GABRA5: variants seen among roughly 807,000 people sequenced by gnomAD.
GABRA5 encodes the protein gamma-aminobutyric acid receptor subunit alpha-5.
GABRA5 carries 18 observed loss-of-function variants against 47.3 expected under a neutral mutation model. The ratio of observed to expected loss-of-function variants is 0.38; its 90% CI spans 0.26 to 0.56. The LOEUF is 0.56. Ranked by LOEUF, GABRA5 falls within the 20% of genes least tolerant of loss-of-function variation. GABRA5 has a pLI of 0.71. For synonymous variants in GABRA5, 237 were observed against 229.3 expected, an observed-to-expected ratio of 1.03 and a Z score of -0.30; for missense variants, 365 against 599.3, an observed-to-expected ratio of 0.61 and a Z score of 4.08.
Position 26,883,293 on chromosome 15 carries a change from AG to A in GABRA5, c.277-42del. The A allele has an allele frequency of 1.2e-6, 2 of 1,611,584 alleles. No homozygotes were observed. The highest frequency in any genetic ancestry group is 1.7e-6 in the Non-Finnish European group (2 of 1,177,762). On this transcript the variant is annotated intron_variant, in intron 5 of 10. Coordinates refer to ENST00000335625, the MANE Select transcript of GABRA5 (RefSeq NM_000810.4). The surrounding 1 kb of genome is among the most constrained non-coding windows in gnomAD (Gnocchi z 4.8). ...TACTCCGCGCCGCAGGCCCCCGCCC[AG>A]GCCCCGTGCCCTCTGACTGCCTCGT...
chr15:26,907,094 A>G (rs566901301), intron 6 of GABRA5, among the ~76,000 whole-genome samples: 9 of 152,324 alleles, frequency 5.9e-5, no homozygotes, highest in African/African-American at 1.7e-4. Flanking sequence ...TCCTTACTAC[A>G]TTCAGGGATA....
intron 7 of GABRA5, 116 bp from the exon 8 acceptor site, chr15:26,937,069 C>A: frequency 7.6e-7 from 1 of 1,310,966 alleles, no homozygotes; most frequent in Non-Finnish European, 1.1e-6. Flanking sequence ...GGTCATGGAA[C>A]CTTGACTTTT....
chr15:26,896,064 T>G (rs1893185567), intron 6 of GABRA5, among the ~76,000 whole-genome samples: 1 of 152,062 alleles, frequency 6.6e-6, no homozygotes, highest in Non-Finnish European at 1.5e-5. Flanking sequence ...CTCCCACCCT[T>G]CAGTCATTCC....
In GABRA5 at chr15:26,922,488, G is replaced by A. The variant is rs926148420; in HGVS notation, c.580+7603G>A. Among the ~76,000 whole-genome samples, 4 of 152,076 alleles carry A rather than the reference G, an allele frequency of 2.6e-5. No homozygotes were observed. The South Asian group carries it at 8.3e-4, about 32-fold the overall frequency. ...ATAAAAAGTGAGTTTCTTATAAATA[G>A]CATAGCTCAGATTTTTAAATTTACT... On this transcript the variant is annotated intron_variant, in intron 7 of 10. Transcript: ENST00000335625.
chr15:26,945,839 C>T (rs1894497922), intron 10 of GABRA5, among the ~76,000 whole-genome samples: 1 of 145,622 alleles, frequency 6.9e-6, no homozygotes, highest in African/African-American at 2.5e-5. Context: ...GCTGCACATT[C>T]CTTCCCAGTA....
chr15:26,887,082 A>G (rs1892897617), intron 6 of GABRA5, among the ~76,000 whole-genome samples: 1 of 152,206 alleles, frequency 6.6e-6, no homozygotes, highest in Admixed American at 6.5e-5. Context: ...TGGAAAGCCA[A>G]TGGTATACTT....
At chr15:26,896,838 A>G (rs28618979) in intron 6 of GABRA5, among the ~76,000 whole-genome samples, 5,493 of 152,246 alleles carry the variant, frequency 0.036, 351 homozygotes, top group African/African-American at 0.12. Context: ...GCAAGTATCT[A>G]TATCACTGCT....
chr15:26,891,979 C>T lies in GABRA5; in HGVS notation c.497+8422C>T, dbSNP rs558313135. On this transcript the variant is annotated intron_variant, in intron 6 of 10. Coordinates refer to ENST00000335625, the MANE Select transcript of GABRA5 (RefSeq NM_000810.4). ...AAATGCCCCAGAAACGTTGGCCAAG[C>T]GCACCGGGTGGTGGAAAATTCGGAG... Among the ~76,000 whole-genome samples the T allele has an allele frequency of 3.9e-5, 6 of 152,220 alleles. No homozygotes were observed. The South Asian group carries it at 1.0e-3, about 26-fold the overall frequency.
chr15:26,880,937 TACG>T lies in GABRA5; in HGVS notation c.181_183del (p.Asp61del). 1 of 1,614,006 alleles carries T rather than the reference TACG, an allele frequency of 6.2e-7. No homozygotes were observed. On this transcript the variant is annotated inframe_deletion, in exon 4 of 11. Transcript: ENST00000335625. ...GATCTTGGATGGGCTCTTGGATGGC[TACG>T]ACAACAGACTTCGGCCCGGGCTGGG...
rs181556625 is a variant in GABRA5 at position 26,899,441 on chromosome 15, G to T, written c.498-15362G>T. 2.2e-4 allele frequency among the ~76,000 whole-genome samples: 33 copies of T among 152,236 alleles called. No individual in the cohort carries two copies. The East Asian group carries it at 2.9e-3, about 13-fold the overall frequency. On this transcript the variant is annotated intron_variant, in intron 6 of 10. Coordinates refer to ENST00000335625, the MANE Select transcript of GABRA5 (RefSeq NM_000810.4). ...TTGTTGGATAGAGTGTTCTATATAT[G>T]CCTGTTAAGTCCATTTGCTTTATAG...
At chr15:26,870,761 T>G (rs1206033986) in intron 3 of GABRA5, among the ~76,000 whole-genome samples, 2 of 152,364 alleles carry the variant, frequency 1.3e-5, no homozygotes, top group East Asian at 3.9e-4. Context: ...TGTCTGTACA[T>G]AAGTGAAATC....
intron 3 of GABRA5, among the ~76,000 whole-genome samples, chr15:26,878,321 TCCTGTATGAAGGCA>T (rs1892647005): frequency 6.6e-6 from 1 of 152,224 alleles, no homozygotes; most frequent in Non-Finnish European, 1.5e-5. Flanking sequence ...TGTGAAGGTC[TCCTGTATGAAGGCA>T]CTTACACACC....
At chr15:26,937,039 A>G in intron 7 of GABRA5, 146 bp from the exon 8 acceptor site, 1 of 949,128 alleles carries the variant, frequency 1.1e-6, no homozygotes, top group Admixed American at 1.9e-5. Context: ...CCCTGGTCCA[A>G]CCACCCTATG....
At chr15:26,885,492 G>C (rs1033556369) in intron 6 of GABRA5, among the ~76,000 whole-genome samples, 5 of 152,100 alleles carry the variant, frequency 3.3e-5, no homozygotes, top group African/African-American at 1.2e-4. Context: ...AAATCTATTT[G>C]ACAGCAGGAC....
intron 6 of GABRA5, among the ~76,000 whole-genome samples, chr15:26,892,714 C>T (rs957592269): frequency 6.6e-6 from 1 of 152,174 alleles, no homozygotes; most frequent in East Asian, 1.9e-4. Context: ...TAATAAGGTC[C>T]GAGCAGAGGG....
intron 7 of GABRA5, among the ~76,000 whole-genome samples, chr15:26,933,683 T>G (rs904880865): frequency 5.9e-5 from 9 of 152,200 alleles, no homozygotes; most frequent in African/African-American, 1.9e-4. Context: ...GTATCTTCAC[T>G]GGTACCTGGG....
chr15:26,929,546 C>G (rs1296820607), intron 7 of GABRA5, among the ~76,000 whole-genome samples: 1 of 152,212 alleles, frequency 6.6e-6, no homozygotes, highest in African/African-American at 2.4e-5. Context: ...ATGCCTGTGC[C>G]CCACAGCTCT....
At chr15:26,870,167 A>G (rs950388433) in intron 3 of GABRA5, among the ~76,000 whole-genome samples, 2 of 152,248 alleles carry the variant, frequency 1.3e-5, no homozygotes, top group African/African-American at 4.8e-5. Flanking sequence ...GAGGTTTCAC[A>G]GCCTATCCAC....
At chr15:26,930,873 T>G (rs966479978) in intron 7 of GABRA5, among the ~76,000 whole-genome samples, 3 of 150,846 alleles carry the variant, frequency 2.0e-5, no homozygotes, top group African/African-American at 4.9e-5. Flanking sequence ...CTTCTTTTCT[T>G]TTTTCTTTCT....
Sources: gnomAD v4.1 joint callset for allele counts (sites outside exome capture counted in the v4.1 genomes callset) on GRCh38, gnomAD v4.1.1 for gene constraint, Gnocchi (gnomAD v3.1) non-coding constraint, MANE v1.5 for transcripts, NCBI Gene and HGNC (gene_info 2026-07-23, HGNC 2026-07-21) for gene names.